Variants in SYN2 observed in about 807,000 individuals in gnomAD.
SYN2 encodes the protein synapsin II, also known as synapsin-2.
In SYN2, 19 loss-of-function variants were observed where a neutral mutation model predicts 50.9. That is an observed-to-expected ratio of 0.37 (90% CI 0.26 to 0.55). The LOEUF (loss-of-function observed/expected upper bound fraction) is 0.55. SYN2 is among the 20% of genes least tolerant of loss of function. The pLI, the probability that SYN2 is intolerant of heterozygous loss-of-function variation, is 0.81. For synonymous variants in SYN2, 255 were observed against 224.9 expected, an observed-to-expected ratio of 1.13 and a Z score of -1.20; for missense variants, 587 against 576.4, an observed-to-expected ratio of 1.02 and a Z score of -0.19.
At chr3:12,047,595 T>G (rs1694767494) in intron 1 of SYN2, among the ~76,000 whole-genome samples, 1 of 152,070 alleles carries the variant, frequency 6.6e-6, no homozygotes, top group Non-Finnish European at 1.5e-5. Context: ...CATTAAGGGT[T>G]TTTGAGGTTT....
At chr3:12,015,885 A>G (rs867079203) in intron 1 of SYN2, among the ~76,000 whole-genome samples, 4 of 152,328 alleles carry the variant, frequency 2.6e-5, no homozygotes, top group Middle Eastern at 3.4e-3. Flanking sequence ...AAGCACAACT[A>G]TAATCCCTTT....
At chr3:12,065,163 A>G (rs185674275) in intron 1 of SYN2, among the ~76,000 whole-genome samples, 62 of 152,274 alleles carry the variant, frequency 4.1e-4, no homozygotes, top group Admixed American at 2.0e-3. Context: ...ACCATCTCAC[A>G]CTATTCAGAA....
chr3:12,189,440 A>C (rs1459836728), intron 12 of SYN2, among the ~76,000 whole-genome samples: 1 of 150,746 alleles, frequency 6.6e-6, no homozygotes, highest in Non-Finnish European at 1.5e-5. Flanking sequence ...GCCACTGGAC[A>C]CCCTGAACCC....
At chr3:12,115,513 T>C (rs1696414191) in intron 1 of SYN2, among the ~76,000 whole-genome samples, 1 of 152,186 alleles carries the variant, frequency 6.6e-6, no homozygotes, top group Non-Finnish European at 1.5e-5. Context: ...TTTTGTGCCA[T>C]ATATCAGATG....
chr3:12,069,621 TAA>T (rs1695297953), intron 1 of SYN2, among the ~76,000 whole-genome samples: 1 of 152,158 alleles, frequency 6.6e-6, no homozygotes, highest in South Asian at 2.1e-4. Context: ...TAATTCTCTT[TAA>T]TGTTTTGAGG....
intron 1 of SYN2, among the ~76,000 whole-genome samples, chr3:12,101,834 G>C (rs1018038182): frequency 5.3e-5 from 8 of 152,142 alleles, no homozygotes; most frequent in East Asian, 3.9e-4. Flanking sequence ...GATGTATCCA[G>C]TTCCTTTTAG....
intron 1 of SYN2, among the ~76,000 whole-genome samples, chr3:12,063,848 G>GA (rs547415788): frequency 1.2e-4 from 18 of 151,318 alleles, no homozygotes; most frequent in Non-Finnish European, 1.5e-4. Context: ...GGGAGAAGAG[G>GA]AAAAAAAATC....
At chr3:12,082,314 A>G (rs1322768908) in intron 1 of SYN2, among the ~76,000 whole-genome samples, 1 of 152,226 alleles carries the variant, frequency 6.6e-6, no homozygotes, top group Non-Finnish European at 1.5e-5. Context: ...TCTGCCTAGC[A>G]CATACCAAAA....
intron 8 of SYN2, among the ~76,000 whole-genome samples, chr3:12,167,567 T>C (rs1697833457): frequency 6.6e-6 from 1 of 152,124 alleles, no homozygotes; most frequent in South Asian, 2.1e-4. Context: ...ACCATGCTTT[T>C]TGTACAGTCT....
intron 1 of SYN2, among the ~76,000 whole-genome samples, chr3:12,091,468 A>G (rs778081083): frequency 2.0e-4 from 30 of 152,182 alleles, no homozygotes; most frequent in Middle Eastern, 3.2e-3. Flanking sequence ...ACTGATTATT[A>G]TAGCCTTTTT....
chr3:12,158,438 C>T (rs932610779), intron 5 of SYN2, among the ~76,000 whole-genome samples: 2 of 152,182 alleles, frequency 1.3e-5, no homozygotes, highest in Non-Finnish European at 2.9e-5. Context: ...TGTAATGACA[C>T]TCCATAATTG....
At chr3:12,048,792 T>A (rs1305898007) in intron 1 of SYN2, among the ~76,000 whole-genome samples, 2 of 152,312 alleles carry the variant, frequency 1.3e-5, no homozygotes, top group East Asian at 1.9e-4. Flanking sequence ...GCCCAAGTCA[T>A]GCAGCAGTAA....
At chr3:12,159,014 A>T in intron 5 of SYN2, 1 of 897,838 alleles carries the variant, frequency 1.1e-6, no homozygotes, top group Non-Finnish European at 1.6e-6. Context: ...CCGCGGAGGC[A>T]GGACCCGAGG....
At chr3:12,026,065 T>G (rs920569022) in intron 1 of SYN2, among the ~76,000 whole-genome samples, 3 of 152,246 alleles carry the variant, frequency 2.0e-5, no homozygotes, top group Non-Finnish European at 4.4e-5. Flanking sequence ...TACCACATTT[T>G]CCTTGTCTTG....
chr3:12,062,840 C>A (rs183872899), intron 1 of SYN2, among the ~76,000 whole-genome samples: 1 of 152,100 alleles, frequency 6.6e-6, no homozygotes, highest in Admixed American at 6.6e-5. Context: ...ACCAAGATGT[C>A]CTTCAGTAGG....
intron 1 of SYN2, among the ~76,000 whole-genome samples, chr3:12,053,813 TAA>T (rs1295544009): frequency 6.6e-6 from 1 of 152,244 alleles, no homozygotes; most frequent in Non-Finnish European, 1.5e-5. Context: ...ATTAAAAAAT[TAA>T]GTTTTTTGTA....
At chr3:12,105,235 G>A (rs1364268254) in intron 1 of SYN2, among the ~76,000 whole-genome samples, 1 of 152,004 alleles carries the variant, frequency 6.6e-6, no homozygotes, top group Admixed American at 6.6e-5. Flanking sequence ...TGGAGTAGGA[G>A]GAATAGAGAT....
At chr3:12,144,111 C>G (rs1028494997) in intron 3 of SYN2, among the ~76,000 whole-genome samples, 12 of 152,170 alleles carry the variant, frequency 7.9e-5, no homozygotes, top group African/African-American at 2.4e-4. Flanking sequence ...AACTGATTCT[C>G]TGGGAAGGTG....
intron 1 of SYN2, among the ~76,000 whole-genome samples, chr3:12,043,353 C>G (rs967232104): frequency 6.6e-6 from 1 of 152,016 alleles, no homozygotes; most frequent in Admixed American, 6.6e-5. Context: ...CCTAATTTCA[C>G]TTTTTTAAAG....
Sources: allele counts gnomAD v4.1 joint callset (sites outside exome capture counted in the v4.1 genomes callset), GRCh38; gene constraint gnomAD v4.1.1; transcripts MANE v1.5; gene names NCBI Gene and HGNC (gene_info 2026-07-23, HGNC 2026-07-21).